GPC5: variants seen among roughly 807,000 people sequenced by gnomAD.
The protein encoded by GPC5 is glypican 5.
In GPC5, 47 loss-of-function variants were observed where a neutral mutation model predicts 53.9. The observed-to-expected ratio is 0.87, with a 90% CI of 0.69 to 1.11. The LOEUF (loss-of-function observed/expected upper bound fraction) is 1.11. Among genes scored for constraint, GPC5 ranks in the 50% most tolerant of loss-of-function variants. The pLI is 0.00. For synonymous variants in GPC5, 286 were observed against 263.3 expected, an observed-to-expected ratio of 1.09 and a Z score of -0.84; for missense variants, 748 against 713.1, an observed-to-expected ratio of 1.05 and a Z score of -0.56.
At chr13:91,807,217 A>G (rs1166030521) in intron 5 of GPC5, among the ~76,000 whole-genome samples, 1 of 152,176 alleles carries the variant, frequency 6.6e-6, no homozygotes, top group Non-Finnish European at 1.5e-5. Flanking sequence ...AACAGATTTT[A>G]CCTTTTTTGA....
intron 6 of GPC5, among the ~76,000 whole-genome samples, chr13:92,076,264 T>A (rs1464529113): frequency 6.6e-6 from 1 of 152,044 alleles, no homozygotes; most frequent in East Asian, 1.9e-4. Context: ...GTATTTTTAG[T>A]AGAGACGGGG....
intron 1 of GPC5, among the ~76,000 whole-genome samples, chr13:91,400,063 G>C (rs566768432): frequency 6.6e-6 from 1 of 152,278 alleles, no homozygotes; most frequent in Non-Finnish European, 1.5e-5. Flanking sequence ...GGTTCTGTCT[G>C]GAAGAATAGG....
At chr13:92,744,041 C>G (rs562700007) in intron 7 of GPC5, among the ~76,000 whole-genome samples, 17 of 151,954 alleles carry the variant, frequency 1.1e-4, no homozygotes, top group African/African-American at 3.9e-4. Context: ...CAGGGAGGAT[C>G]CAAAGAATTG....
intron 5 of GPC5, among the ~76,000 whole-genome samples, chr13:91,882,446 T>C (rs1052343175): frequency 2.0e-5 from 3 of 152,040 alleles, no homozygotes; most frequent in Non-Finnish European, 2.9e-5. Flanking sequence ...TAACATTAAA[T>C]ATTTTATTGT....
chr13:92,632,463 CATAT>C (rs34336057), intron 7 of GPC5, among the ~76,000 whole-genome samples: 105 of 120,090 alleles, frequency 8.7e-4, no homozygotes, highest in Admixed American at 4.9e-4. Flanking sequence ...AAATATTCCA[CATAT>C]ATATATATAT....
chr13:92,796,547 T>C (rs190925446), intron 7 of GPC5, among the ~76,000 whole-genome samples: 123 of 152,046 alleles, frequency 8.1e-4, no homozygotes, highest in African/African-American at 2.7e-3. Flanking sequence ...CATTTCTCAA[T>C]GAGGAATTCC....
intron 6 of GPC5, among the ~76,000 whole-genome samples, chr13:92,093,360 A>G (rs2041396035): frequency 6.6e-6 from 1 of 152,184 alleles, no homozygotes; most frequent in Admixed American, 6.5e-5. Context: ...ACAAATATAC[A>G]TTAAACAGTC....
chr13:92,177,248 T>G (rs1157169851), intron 7 of GPC5, among the ~76,000 whole-genome samples: 3 of 152,198 alleles, frequency 2.0e-5, no homozygotes, highest in African/African-American at 7.2e-5. Context: ...CAGTCTAGCC[T>G]CTGGCAACCT....
chr13:92,127,777 A>G (rs1402903010), intron 6 of GPC5, among the ~76,000 whole-genome samples: 4 of 152,200 alleles, frequency 2.6e-5, no homozygotes, highest in African/African-American at 9.7e-5. Context: ...AGTTTTCTAT[A>G]TTGGCTAAGA....
At chr13:92,757,723 A>T (rs1310783911) in intron 7 of GPC5, among the ~76,000 whole-genome samples, 1 of 152,240 alleles carries the variant, frequency 6.6e-6, no homozygotes, top group Non-Finnish European at 1.5e-5. Context: ...CAAAAGACAC[A>T]TGAAAAAATG....
intron 6 of GPC5, among the ~76,000 whole-genome samples, chr13:91,910,104 G>A (rs1056334822): frequency 2.0e-5 from 3 of 152,160 alleles, no homozygotes; most frequent in African/African-American, 7.2e-5. Context: ...ATAGAGGAGA[G>A]CAGAAAGTTA....
intron 6 of GPC5, among the ~76,000 whole-genome samples, chr13:92,011,794 C>G (rs538097076): frequency 2.0e-4 from 30 of 152,274 alleles, no homozygotes; most frequent in African/African-American, 6.3e-4. Flanking sequence ...CAGTATATTA[C>G]TATCTTTAAT....
chr13:92,156,663 C>T (rs1329936265), intron 7 of GPC5, among the ~76,000 whole-genome samples: 11 of 152,148 alleles, frequency 7.2e-5, no homozygotes, highest in South Asian at 6.2e-4. Context: ...TTAGTCTTTT[C>T]ATTTTATGTA....
At chr13:92,719,613 TC>T (rs1449791099) in intron 7 of GPC5, among the ~76,000 whole-genome samples, 13 of 152,086 alleles carry the variant, frequency 8.5e-5, no homozygotes, top group Non-Finnish European at 7.4e-5. Context: ...TTCTAACAAT[TC>T]CAAAATCCTA....
At chr13:91,629,335 G>T (rs1356436037) in intron 2 of GPC5, among the ~76,000 whole-genome samples, 2 of 151,982 alleles carry the variant, frequency 1.3e-5, no homozygotes, top group African/African-American at 2.4e-5. Flanking sequence ...TGCATAGAAA[G>T]AATTATTTAA....
intron 6 of GPC5, among the ~76,000 whole-genome samples, chr13:92,101,167 C>T (rs1411743): frequency 0.039 from 5,893 of 152,102 alleles, 383 homozygotes; most frequent in African/African-American, 0.13. Flanking sequence ...TATGAATTAA[C>T]GAATTTGAAA....
At chr13:91,547,940 T>C (rs1318709127) in intron 2 of GPC5, among the ~76,000 whole-genome samples, 1 of 151,962 alleles carries the variant, frequency 6.6e-6, no homozygotes, top group Non-Finnish European at 1.5e-5. Flanking sequence ...AAACTCGAAA[T>C]AAATTAGGAA....
chr13:92,130,829 T>C (rs2041737384), intron 6 of GPC5, among the ~76,000 whole-genome samples: 2 of 151,902 alleles, frequency 1.3e-5, no homozygotes, highest in African/African-American at 4.8e-5. Flanking sequence ...CACAATAGTC[T>C]AGAATAAATA....
rs186978183 is a variant in GPC5 at position 92,395,387 on chromosome 13, C to G, written c.1561+250398C>G. Among the ~76,000 whole-genome samples, 6 of 152,268 alleles carry G rather than the reference C, an allele frequency of 3.9e-5. No homozygotes were observed. In the East Asian group the frequency reaches 1.2e-3, roughly 29 times the overall value. On this transcript the variant is annotated intron_variant, in intron 7 of 7. Transcript: ENST00000377067. Reference sequence around the variant, plus strand: ...TGTAGGTTTCTTATAACAGACTATTCCCAATTCCCCCGTTTTGTCCCTTAT... The same window carrying G: ...TGTAGGTTTCTTATAACAGACTATTGCCAATTCCCCCGTTTTGTCCCTTAT...
Sources: gnomAD v4.1 joint callset for allele counts (sites outside exome capture counted in the v4.1 genomes callset) on GRCh38, gnomAD v4.1.1 for gene constraint, MANE v1.5 for transcripts, NCBI Gene and HGNC (gene_info 2026-07-23, HGNC 2026-07-21) for gene names.